CHRM3: variants seen among roughly 807,000 people sequenced by gnomAD.
The protein encoded by CHRM3 is cholinergic receptor muscarinic 3.
A neutral mutation model predicts 41.8 loss-of-function variants in CHRM3; 11 were observed. The ratio of observed to expected loss-of-function variants is 0.26; its 90% CI spans 0.17 to 0.44. The LOEUF is 0.44. Among genes scored for constraint, CHRM3 ranks in the 20% least tolerant of loss-of-function variants. The pLI is 1.00. For missense variants in CHRM3, 571 were observed against 745.4 expected (o/e 0.77, Z 2.72); for synonymous variants, 297 against 301.4 (o/e 0.99, Z 0.15).
chr1:239,760,256 T>A (rs1473025176), intron 5 of CHRM3, among the ~76,000 whole-genome samples: 1 of 152,146 alleles, frequency 6.6e-6, no homozygotes, highest in African/African-American at 2.4e-5. Flanking sequence ...TTTATAATTA[T>A]TTTTCTCTCG....
At chr1:239,467,268 G>A (rs142304317) in intron 1 of CHRM3, among the ~76,000 whole-genome samples, 1,619 of 152,162 alleles carry the variant, frequency 0.011, 22 homozygotes, top group African/African-American at 0.037. Flanking sequence ...CTTCAATCAT[G>A]ACTGAATGAG....
At chr1:239,466,334 T>C (rs1250363883) in intron 1 of CHRM3, among the ~76,000 whole-genome samples, 1 of 152,150 alleles carries the variant, frequency 6.6e-6, no homozygotes, top group African/African-American at 2.4e-5. Context: ...GTACTTTTTC[T>C]TATGATTTCC....
Position 239,467,906 on chromosome 1 carries a change from C to T in CHRM3, c.-520-24803C>T, listed in dbSNP as rs560517087. ...TCTCCACCAATTTTCCCTACCCCCC[C>T]CCAACGTTATTCCAAGAGGAAAAGA... On this transcript the variant is annotated intron_variant, in intron 1 of 6. Coordinates refer to ENST00000676153, the MANE Select transcript of CHRM3 (RefSeq NM_001375978.1). 5.2e-5 allele frequency among the ~76,000 whole-genome samples: 4 copies of T among 77,126 alleles called. 1 individual carries two copies. Among genetic ancestry groups the T allele is most frequent in the South Asian group, 7.6e-4 (2 of 2,630 alleles). 50.6% of individuals were successfully genotyped at this position (77,126 alleles called of 152,430 possible). A position where few individuals can be genotyped will look rare whatever the true frequency, so the allele number is the denominator to read the frequency against.
At chr1:239,629,996 A>C (rs780546477) in intron 3 of CHRM3, among the ~76,000 whole-genome samples, 64 of 152,216 alleles carry the variant, frequency 4.2e-4, no homozygotes, top group Admixed American at 7.2e-4. Context: ...TGTTACATGC[A>C]ATTAATTTTC....
chr1:239,878,401 C>G lies in CHRM3; in HGVS notation c.-19-29032C>G, dbSNP rs141840674. ...ATGAAAATCCAATGCTGCTGCTGAT[C>G]TGACAAGAGGCAGAGCTCAGGCAGT... On this transcript the variant is annotated intron_variant, in intron 6 of 6. Coordinates refer to ENST00000676153, the MANE Select transcript of CHRM3 (RefSeq NM_001375978.1). 3.4e-4 allele frequency among the ~76,000 whole-genome samples: 52 copies of G among 152,116 alleles called. 1 individual carries two copies. The highest frequency in any genetic ancestry group is 9.2e-4 in the Admixed American group (14 of 15,280).
At chr1:239,586,210 A>T (rs937420642) in intron 3 of CHRM3, among the ~76,000 whole-genome samples, 2 of 151,186 alleles carry the variant, frequency 1.3e-5, no homozygotes, top group African/African-American at 4.8e-5. Context: ...CTGAGTCAGA[A>T]CTGACTGAAA....
chr1:239,618,020 C>T (rs966260031), intron 3 of CHRM3, among the ~76,000 whole-genome samples: 1 of 152,046 alleles, frequency 6.6e-6, no homozygotes, highest in Non-Finnish European at 1.5e-5. Flanking sequence ...CTCTGCCTGC[C>T]GTTGTTACGT....
chr1:239,791,969 C>A (rs1264218977), intron 5 of CHRM3, among the ~76,000 whole-genome samples: 1 of 152,194 alleles, frequency 6.6e-6, no homozygotes, highest in African/African-American at 2.4e-5. Context: ...GCTTCAAATA[C>A]TGGTTTAGAA....
chr1:239,824,297 A>G (rs575846901), intron 5 of CHRM3, among the ~76,000 whole-genome samples: 1 of 152,338 alleles, frequency 6.6e-6, no homozygotes, highest in South Asian at 2.1e-4. Flanking sequence ...TCTTCCATTT[A>G]GGACCAAAGA....
chr1:239,889,149 C>T (rs12131198), intron 6 of CHRM3, among the ~76,000 whole-genome samples: 1 of 151,936 alleles, frequency 6.6e-6, no homozygotes, highest in African/African-American at 2.4e-5. Flanking sequence ...AATGGATCAC[C>T]GGATCCACAG....
intron 2 of CHRM3, among the ~76,000 whole-genome samples, chr1:239,506,811 G>T (rs1362111500): frequency 6.6e-6 from 1 of 152,192 alleles, no homozygotes; most frequent in African/African-American, 2.4e-5. Flanking sequence ...AAGCCACAGG[G>T]ACAGAGCTGC....
intron 3 of CHRM3, among the ~76,000 whole-genome samples, chr1:239,615,153 A>G (rs912020686): frequency 4.6e-5 from 7 of 152,186 alleles, no homozygotes; most frequent in Admixed American, 1.3e-4. Context: ...CTCGTCATAT[A>G]AAAATAGTAA....
At chr1:239,752,187 G>A (rs1401351363) in intron 5 of CHRM3, among the ~76,000 whole-genome samples, 1 of 152,170 alleles carries the variant, frequency 6.6e-6, no homozygotes, top group Non-Finnish European at 1.5e-5. Flanking sequence ...GGGGATTTGT[G>A]GTCAGACATG....
rs573267649 is a variant in CHRM3, at chr1:239,446,151, G to A, written c.-520-46558G>A. Among the ~76,000 whole-genome samples the A allele has an allele frequency of 1.1e-3, 162 of 152,224 alleles. 7 individuals are homozygous for A. In the South Asian group the frequency reaches 0.032, roughly 30 times the overall value. On this transcript the variant is annotated intron_variant, in intron 1 of 6. Transcript: ENST00000676153. ...GGGGTTTCACCATGTTGGCCAGGAT[G>A]GTCTTGATCTCCTGACCTCGTGATC...
chr1:239,400,040 T>G (rs996539751), intron 1 of CHRM3, among the ~76,000 whole-genome samples: 1 of 152,154 alleles, frequency 6.6e-6, no homozygotes, highest in Non-Finnish European at 1.5e-5. Flanking sequence ...GCCTCCCAAG[T>G]AGCTGGGATT....
intron 1 of CHRM3, among the ~76,000 whole-genome samples, chr1:239,450,854 A>G (rs535066262): frequency 1.3e-5 from 2 of 152,354 alleles, no homozygotes; most frequent in East Asian, 3.9e-4. Context: ...AAGGAGCTGT[A>G]TCAGTTTTAA....
At chr1:239,538,127 A>G (rs2148372160) in intron 2 of CHRM3, among the ~76,000 whole-genome samples, 1 of 152,318 alleles carries the variant, frequency 6.6e-6, no homozygotes, top group East Asian at 1.9e-4. Flanking sequence ...AAAAGAAGAA[A>G]GAGAAATGCA....
chr1:239,891,814 A>C (rs477470), intron 6 of CHRM3, among the ~76,000 whole-genome samples: 72,772 of 152,034 alleles, frequency 0.48, 18,841 homozygotes, highest in East Asian at 0.64. Context: ...TTATCAGGCA[A>C]AGAAGGAGGG....
intron 5 of CHRM3, among the ~76,000 whole-genome samples, chr1:239,791,135 C>T (rs1290479302): frequency 6.6e-6 from 1 of 151,836 alleles, no homozygotes; most frequent in East Asian, 1.9e-4. Context: ...GACAGGGTCT[C>T]TCACTGTTGC....
Sources: gnomAD v4.1 joint callset for allele counts (sites outside exome capture counted in the v4.1 genomes callset) on GRCh38, gnomAD v4.1.1 for gene constraint, MANE v1.5 for transcripts, NCBI Gene and HGNC (gene_info 2026-07-23, HGNC 2026-07-21) for gene names.